Variants in CARMIL1 observed in about 807,000 individuals in gnomAD.
The protein encoded by CARMIL1 is F-actin-uncapping protein LRRC16A.
Under a neutral mutation model 177.1 loss-of-function variants are expected in CARMIL1, and 90 were observed. The ratio of observed to expected loss-of-function variants is 0.51; its 90% CI spans 0.43 to 0.61. The LOEUF (loss-of-function observed/expected upper bound fraction) is 0.61. CARMIL1 is among the 20% of genes least tolerant of loss of function. The pLI is 0.00. For synonymous variants in CARMIL1, 577 were observed against 606.2 expected (o/e 0.95, Z 0.71); for missense variants, 1,380 against 1,667.0 (o/e 0.83, Z 3.00).
chr6:25,455,093 T>G (rs1189754749), intron 8 of CARMIL1, among the ~76,000 whole-genome samples: 1 of 152,224 alleles, frequency 6.6e-6, no homozygotes, highest in Non-Finnish European at 1.5e-5. Flanking sequence ...GTTCCCTATT[T>G]GAACATATTT....
intron 29 of CARMIL1, among the ~76,000 whole-genome samples, chr6:25,576,006 AG>A (rs1812550675): frequency 6.6e-6 from 1 of 152,180 alleles, no homozygotes; most frequent in South Asian, 2.1e-4. Context: ...GGCCTTCCTC[AG>A]GAGGTTTGGA....
intron 2 of CARMIL1, among the ~76,000 whole-genome samples, chr6:25,397,018 G>A (rs2182931): frequency 0.58 from 87,904 of 151,842 alleles, 25,735 homozygotes; most frequent in East Asian, 0.7. Flanking sequence ...CCTAGCTCAT[G>A]AGAGCGGCAT....
rs577636546 is a variant in CARMIL1 at position 25,364,712 on chromosome 6, C to T, written c.139-55402C>T. On this transcript the variant is annotated intron_variant, in intron 2 of 36. Coordinates refer to ENST00000329474, the MANE Select transcript of CARMIL1 (RefSeq NM_017640.6). ...CTGAGTAGCTGGTGTTACAAGTGCC[C>T]GCCACCACGCCCGGCTAATTTTTTG... 2.9e-3 allele frequency among the ~76,000 whole-genome samples: 443 copies of T among 152,126 alleles called. 1 individual carries two copies. Among genetic ancestry groups the T allele is most frequent in the Non-Finnish European group, 4.9e-3 (330 of 67,982 alleles).
intron 2 of CARMIL1, among the ~76,000 whole-genome samples, chr6:25,390,310 A>ATTTTTT (rs1792634342): frequency 5.2e-5 from 2 of 38,626 alleles, no homozygotes; most frequent in East Asian, 1.1e-3. Context: ...ATATATATAT[A>ATTTTTT]TATATATATA....
intron 26 of CARMIL1, among the ~76,000 whole-genome samples, chr6:25,542,075 A>G (rs1450680440): frequency 1.3e-5 from 2 of 152,180 alleles, no homozygotes; most frequent in South Asian, 2.1e-4. Context: ...AATTTGTTTC[A>G]TTAAAGTATT....
intron 12 of CARMIL1, among the ~76,000 whole-genome samples, chr6:25,486,593 G>A (rs545697804): frequency 6.6e-6 from 1 of 152,280 alleles, no homozygotes; most frequent in South Asian, 2.1e-4. Flanking sequence ...ACTAAAGGAA[G>A]TTGGTCGTTT....
intron 2 of CARMIL1, among the ~76,000 whole-genome samples, chr6:25,406,909 A>G (rs1450947722): frequency 6.6e-6 from 1 of 152,116 alleles, no homozygotes; most frequent in Non-Finnish European, 1.5e-5. Flanking sequence ...TGAAGTCATG[A>G]GAGAGAATGA....
chr6:25,357,091 T>C (rs1351191941), intron 2 of CARMIL1, among the ~76,000 whole-genome samples: 8 of 151,970 alleles, frequency 5.3e-5, no homozygotes, highest in African/African-American at 1.9e-4. Context: ...TTTTTTTTTT[T>C]TGGCACTCTG....
intron 23 of CARMIL1, among the ~76,000 whole-genome samples, chr6:25,527,431 T>C (rs937227938): frequency 6.6e-6 from 1 of 152,204 alleles, no homozygotes; most frequent in African/African-American, 2.4e-5. Context: ...GAAAGCAAAC[T>C]TCTCTTGGAC....
At position 25,510,549 on chromosome 6, in the gene CARMIL1, A is replaced by G; in HGVS notation, c.1520A>G (p.Lys507Arg). Residue 507 changes from lysine to arginine, a missense_variant, in exon 19 of 37, where the codon AAA becomes AGA. Physicochemically the swap from Lys to Arg is conservative, Grantham distance 26. Transcript: ENST00000329474. ...DLSTLIVWLS[K>R]NRSIQHLALG... The stretch of plus-strand genomic sequence containing the variant: ...TCTACCTTAATAGTGTGGCTCAGTA[A>G]AAACAGATCAATACAACACCTGGCG... 1 of 1,558,598 alleles carries G rather than the reference A, an allele frequency of 6.4e-7. No homozygotes were observed.
chr6:25,500,208 G>A lies in CARMIL1; in HGVS notation c.1368G>A (p.Gly456=). 13 of 1,613,824 alleles carry A rather than the reference G, an allele frequency of 8.1e-6. No individual in the cohort carries two copies. Among genetic ancestry groups the A allele is most frequent in the Middle Eastern group, 1.6e-4 (1 of 6,062 alleles). ...LGLACNHNLK[G]VSLDLSNCEL... Reference sequence around the variant, plus strand: ...TGGCTTGTAATCATAACTTGAAAGGGGTTTCTCTGGATCTCAGCAACTGTG... The same window carrying A: ...TGGCTTGTAATCATAACTTGAAAGGAGTTTCTCTGGATCTCAGCAACTGTG... The change falls in exon 17 of 37, where the codon GGG becomes GGA. Residue 456 remains glycine (G), a synonymous_variant. Transcript: ENST00000329474.
chr6:25,382,394 C>T (rs1289940462), intron 2 of CARMIL1, among the ~76,000 whole-genome samples: 5 of 152,176 alleles, frequency 3.3e-5, no homozygotes, highest in Non-Finnish European at 5.9e-5. Flanking sequence ...AAGAATGAAG[C>T]CGCGGACCTT....
At chr6:25,395,000 A>C (rs1489503132) in intron 2 of CARMIL1, among the ~76,000 whole-genome samples, 1 of 152,250 alleles carries the variant, frequency 6.6e-6, no homozygotes, top group Non-Finnish European at 1.5e-5. Context: ...GTATCTAATT[A>C]CATTTCACAA....
At chr6:25,579,170 G>T (rs1582421791) in intron 29 of CARMIL1, among the ~76,000 whole-genome samples, 1 of 147,844 alleles carries the variant, frequency 6.8e-6, no homozygotes, top group African/African-American at 2.5e-5. Context: ...CATTTATTTG[G>T]TATCATAAAG....
chr6:25,348,627 C>G (rs113866016), intron 2 of CARMIL1, among the ~76,000 whole-genome samples: 8,895 of 151,358 alleles, frequency 0.059, 572 homozygotes, highest in African/African-American at 0.16. Context: ...ACTAAAAATA[C>G]AAAAATTAGC....
chr6:25,431,210 G>A (rs1446708811), intron 4 of CARMIL1, among the ~76,000 whole-genome samples: 1 of 151,928 alleles, frequency 6.6e-6, no homozygotes, highest in African/African-American at 2.4e-5. Context: ...CTTTTGCTCT[G>A]ATCTTTGTTC....
chr6:25,393,249 T>C (rs754454331), intron 2 of CARMIL1, among the ~76,000 whole-genome samples: 3 of 152,040 alleles, frequency 2.0e-5, no homozygotes, highest in Non-Finnish European at 4.4e-5. Context: ...AAATTATAGG[T>C]GAGATTTCTA....
At chr6:25,416,046 T>C (rs564179850) in intron 2 of CARMIL1, among the ~76,000 whole-genome samples, 4 of 152,136 alleles carry the variant, frequency 2.6e-5, no homozygotes, top group Non-Finnish European at 4.4e-5. Flanking sequence ...CGTAGAATCA[T>C]GTAGACAGAT....
At chr6:25,561,785 A>G (rs950230854) in intron 29 of CARMIL1, among the ~76,000 whole-genome samples, 4 of 152,192 alleles carry the variant, frequency 2.6e-5, no homozygotes, top group Non-Finnish European at 4.4e-5. Flanking sequence ...GTTTACACTA[A>G]TATTAACTAT....
Sources: gnomAD v4.1 joint callset for allele counts (sites outside exome capture counted in the v4.1 genomes callset) on GRCh38, gnomAD v4.1.1 for gene constraint, MANE v1.5 for transcripts, NCBI Gene and HGNC (gene_info 2026-07-23, HGNC 2026-07-21) for gene names.